UBA6: variants seen among roughly 807,000 people sequenced by gnomAD.
The protein encoded by UBA6 is ubiquitin like modifier activating enzyme 6.
UBA6 carries 87 observed loss-of-function variants against 148.3 expected under a neutral mutation model. The observed-to-expected ratio is 0.59, with a 90% CI of 0.49 to 0.70. The LOEUF (loss-of-function observed/expected upper bound fraction) is 0.70, where lower values mean the gene tolerates loss of function less well. Among genes scored for constraint, UBA6 ranks in the 30% least tolerant of loss-of-function variants. UBA6 has a pLI of 0.00. For missense variants in UBA6, 1,186 were observed against 1,241.2 expected, an observed-to-expected ratio of 0.96 and a Z score of 0.67; for synonymous variants, 376 against 401.0, an observed-to-expected ratio of 0.94 and a Z score of 0.75.
At chr4:67,658,218 G>A (rs1053964399) in intron 13 of UBA6, among the ~76,000 whole-genome samples, 2 of 152,158 alleles carry the variant, frequency 1.3e-5, no homozygotes, top group African/African-American at 4.8e-5. Flanking sequence ...TATAAATCAT[G>A]CTACTATAAA....
intron 22 of UBA6, 35 bp from the exon 23 acceptor site, chr4:67,633,508 T>C: frequency 6.4e-7 from 1 of 1,556,126 alleles, no homozygotes; most frequent in Non-Finnish European, 8.6e-7. Context: ...TCAACATACT[T>C]CCAATTACAA....
chr4:67,681,627 TG>T, intron 3 of UBA6, 36 bp from the exon 4 acceptor site: 1 of 1,501,870 alleles, frequency 6.7e-7, no homozygotes, highest in South Asian at 1.2e-5. Flanking sequence ...AGCTCAATAT[TG>T]GGAATACACA....
At chr4:67,646,664 A>T in intron 15 of UBA6, 60 bp downstream of exon 15, 3 of 1,291,662 alleles carry the variant, frequency 2.3e-6, no homozygotes, top group Non-Finnish European at 3.3e-6. Context: ...AGGTATGTTT[A>T]GACAAAACTT....
chr4:67,698,507 G>C (rs1730893564), intron 1 of UBA6, among the ~76,000 whole-genome samples: 1 of 152,136 alleles, frequency 6.6e-6, no homozygotes, highest in African/African-American at 2.4e-5. Flanking sequence ...ACGAACAGAT[G>C]GAAAAAAGAG....
chr4:67,693,332 G>A (rs1159900306), intron 2 of UBA6, among the ~76,000 whole-genome samples: 1 of 150,150 alleles, frequency 6.7e-6, no homozygotes, highest in Non-Finnish European at 1.5e-5. Context: ...AGAATACTGT[G>A]TATATATATA....
chr4:67,656,779 A>G (rs1415758509), intron 13 of UBA6, among the ~76,000 whole-genome samples: 1 of 152,106 alleles, frequency 6.6e-6, no homozygotes, highest in East Asian at 1.9e-4. Flanking sequence ...TATTTAGAAA[A>G]CCCCAACATC....
chr4:67,616,157 T>C lies in UBA6; in HGVS notation c.*2840A>G, dbSNP rs1349240325. ...ACTCTGATCCTCAAGAGCTCAACTC[T>C]GATTTTTTTTTTTTCAGAGAAAGCA... is the stretch of plus-strand genomic sequence containing the variant. On this transcript the variant is annotated 3_prime_UTR_variant, in exon 33 of 33. Coordinates refer to ENST00000322244, the MANE Select transcript of UBA6 (RefSeq NM_018227.6). 3.3e-5 allele frequency: 13 copies of C among 395,598 alleles called. No individual in the cohort carries two copies. Among genetic ancestry groups the C allele is most frequent in the Non-Finnish European group, 5.3e-5 (12 of 224,974 alleles). 24.5% of individuals were successfully genotyped at this position (395,598 alleles called of 1,614,324 possible). A position where few individuals can be genotyped will look rare whatever the true frequency, so the allele number is the denominator to read the frequency against.
intron 32 of UBA6, among the ~76,000 whole-genome samples, chr4:67,622,517 T>A (rs1018172390): frequency 2.0e-5 from 3 of 152,160 alleles, no homozygotes; most frequent in African/African-American, 7.2e-5. Context: ...GTTGAATAAA[T>A]GAACAAAAAT....
intron 27 of UBA6, 138 bp downstream of exon 27, chr4:67,628,933 T>C: frequency 1.5e-6 from 1 of 664,690 alleles, no homozygotes; most frequent in Admixed American, 2.7e-5. Flanking sequence ...TTCTGACAAA[T>C]CTACTTCAAA....
At chr4:67,686,437 G>A (rs907943628) in intron 2 of UBA6, among the ~76,000 whole-genome samples, 7 of 151,930 alleles carry the variant, frequency 4.6e-5, no homozygotes, top group African/African-American at 1.7e-4. Context: ...TTAACATACC[G>A]ATTTCAAGCC....
At chr4:67,663,244 A>C in intron 11 of UBA6, 29 bp from the exon 12 acceptor site, 1 of 1,518,092 alleles carries the variant, frequency 6.6e-7, no homozygotes, top group Non-Finnish European at 9.1e-7. Context: ...ATCGGCCAAC[A>C]TTTACTGAGT....
chr4:67,685,713 A>G (rs1286377105), intron 2 of UBA6, among the ~76,000 whole-genome samples: 1 of 152,086 alleles, frequency 6.6e-6, no homozygotes, highest in Non-Finnish European at 1.5e-5. Flanking sequence ...GATTAATACC[A>G]TTATTGTAGG....
At chr4:67,630,356 A>G in intron 26 of UBA6, 110 bp downstream of exon 26, 1 of 783,820 alleles carries the variant, frequency 1.3e-6, no homozygotes. Flanking sequence ...TTCTGTATCA[A>G]AAAGAGTGAT....
Position 67,701,104 on chromosome 4 carries a change from G to A in UBA6, c.16C>T (p.Pro6Ser). Reference protein sequence around the residue: MEGSEPVAAHQGEEAS... With the variant: MEGSESVAAHQGEEAS... ...TCTTCCCCCTGATGGGCGGCCACAG[G>A]CTCGGATCCTTCCATTGCCGCCTGA... Residue 6 changes from proline (P) to serine (S), a missense_variant, in exon 1 of 33, where the codon CCT becomes TCT. Transcript: ENST00000322244. 2.5e-6 allele frequency: 4 copies of A among 1,613,542 alleles called. No homozygotes were observed. Among genetic ancestry groups the A allele is most frequent in the South Asian group, 1.1e-5 (1 of 91,080 alleles).
At chr4:67,620,731 G>T (rs1049745323) in intron 32 of UBA6, among the ~76,000 whole-genome samples, 2 of 152,142 alleles carry the variant, frequency 1.3e-5, no homozygotes, top group Admixed American at 6.5e-5. Flanking sequence ...AACATTTATG[G>T]AATACTTCTT....
At chr4:67,637,801 C>G (rs555588638) in intron 19 of UBA6, among the ~76,000 whole-genome samples, 1 of 152,012 alleles carries the variant, frequency 6.6e-6, no homozygotes, top group Non-Finnish European at 1.5e-5. Flanking sequence ...ACAAACACTG[C>G]GGTAGGCCAC....
At chr4:67,627,885 T>C (rs28510080) in intron 27 of UBA6, among the ~76,000 whole-genome samples, 56,836 of 149,774 alleles carry the variant, frequency 0.38, 10,974 homozygotes, top group Middle Eastern at 0.5. Flanking sequence ...TCAAACTTTT[T>C]TATTTACATT....
intron 2 of UBA6, 48 bp from the exon 3 acceptor site, chr4:67,682,261 A>G: frequency 7.1e-7 from 1 of 1,413,702 alleles, no homozygotes; most frequent in East Asian, 2.3e-5. Flanking sequence ...CACTGAAATT[A>G]TAATATCTCT....
intron 13 of UBA6, among the ~76,000 whole-genome samples, 170 bp from the exon 14 acceptor site, chr4:67,649,381 G>A (rs545117499): frequency 7.2e-5 from 11 of 152,076 alleles, no homozygotes; most frequent in African/African-American, 1.2e-4. Flanking sequence ...ACCCATTTGC[G>A]TGTTACCTTA....
Sources: gnomAD v4.1 joint callset for allele counts (sites outside exome capture counted in the v4.1 genomes callset) on GRCh38, gnomAD v4.1.1 for gene constraint, MANE v1.5 for transcripts, NCBI Gene and HGNC (gene_info 2026-07-23, HGNC 2026-07-21) for gene names.